The following DST variants were observed in gnomAD, a reference collection of about 807,000 sequenced individuals.
The protein encoded by DST is bullous pemphigoid antigen.
A neutral mutation model predicts 875.2 loss-of-function variants in DST; 253 were observed. The observed-to-expected ratio is 0.29, with a 90% CI of 0.26 to 0.32. DST has a LOEUF of 0.32. Ranked by LOEUF, DST falls within the 10% of genes least tolerant of loss-of-function variation. The pLI is 1.00. For synonymous variants in DST, 3,124 were observed against 3,197.1 expected (o/e 0.98, Z 0.77); for missense variants, 8,287 against 9,111.6 (o/e 0.91, Z 3.68).
intron 89 of DST, chr6:56,482,459 C>G: frequency 1.9e-6 from 1 of 525,282 alleles, no homozygotes; most frequent in East Asian, 3.2e-5. Flanking sequence ...AGACATTACT[C>G]ACGCAGCACT....
In DST at chr6:56,604,636, T is replaced by G; in HGVS notation, c.9992A>C (p.Gln3331Pro). The G allele has an allele frequency of 6.2e-7, 1 of 1,612,574 alleles. No individual in the cohort carries two copies. Among genetic ancestry groups the G allele is most frequent in the Non-Finnish European group, 8.5e-7 (1 of 1,179,158 alleles). ...ERIEQQLPKE[Q>P]ALSPRSQEKE... ...TTCTTGGGATCTTGGAGACAAGGCT[T>G]GTTCTTTTGGTAGCTGTTGCTCAAT... Residue 3331 changes from glutamine to proline, a missense_variant, in exon 40 of 104, where the codon CAA becomes CCA. By Grantham distance (76) the Gln-to-Pro change is moderately conservative (BLOSUM62 -1). Transcript: ENST00000680361.
At chr6:56,460,788 A>G (rs1289764666) in intron 102 of DST, 1 of 152,222 alleles carries the variant, frequency 6.6e-6, no homozygotes, top group Non-Finnish European at 1.5e-5. Flanking sequence ...AAAAAGAAAA[A>G]AAGTGATTTT....
intron 3 of DST, among the ~76,000 whole-genome samples, chr6:56,870,685 C>G (rs1776649840): frequency 2.6e-5 from 4 of 152,084 alleles, no homozygotes; most frequent in Admixed American, 2.6e-4. Context: ...ATCACTTGAA[C>G]CCGGGAGGTA....
intron 2 of DST, among the ~76,000 whole-genome samples, chr6:56,913,659 CTCTGTT>C (rs1024454275): frequency 6.6e-6 from 1 of 152,178 alleles, no homozygotes; most frequent in African/African-American, 2.4e-5. Context: ...GCCTTGAGCA[CTCTGTT>C]TCTAACACAG....
In DST at chr6:56,508,515, G is replaced by C; in HGVS notation, c.19239+14C>G. 1 of 1,600,276 alleles carries C rather than the reference G, an allele frequency of 6.2e-7. No individual in the cohort carries two copies. Among genetic ancestry groups the C allele is most frequent in the South Asian group, 1.1e-5 (1 of 90,500 alleles). On this transcript the variant is annotated intron_variant, in intron 75 of 103. Coordinates refer to ENST00000680361, the MANE Select transcript of DST (RefSeq NM_001374736.1). ...AACTTATTTTTCTAACTTTAAATGA[G>C]ATTTTCTGCTTACCTCTGCTGCTTC...
At chr6:56,693,643 G>A (rs2099246424) in intron 9 of DST, among the ~76,000 whole-genome samples, 2 of 152,156 alleles carry the variant, frequency 1.3e-5, no homozygotes, top group Admixed American at 1.3e-4. Flanking sequence ...GATTCAAAGT[G>A]CCTTTCAAAT....
intron 2 of DST, among the ~76,000 whole-genome samples, chr6:56,949,491 A>G (rs897749739): frequency 3.9e-5 from 6 of 152,242 alleles, no homozygotes; most frequent in African/African-American, 1.4e-4. Context: ...CAGTAACTAT[A>G]AAATTTCAGC....
chr6:56,740,687 C>T (rs1210176767), intron 4 of DST, among the ~76,000 whole-genome samples: 1 of 152,170 alleles, frequency 6.6e-6, no homozygotes, highest in East Asian at 1.9e-4. Flanking sequence ...GCTGGGGAAT[C>T]TGGCTCTGTG....
At position 56,572,855 on chromosome 6, in the gene DST, A is replaced by C; in HGVS notation, c.13446T>G (p.Phe4482Leu). ...MEELKTKVEL[F>L]ENLSEKLQTF... The stretch of plus-strand genomic sequence containing the variant: ...TCTGGAGCTTTTCTGAGAGGTTCTC[A>C]AACAGTTCTACTTTGGTTTTTAGCT... The change falls in exon 52 of 104, where the codon TTT becomes TTG. Residue 4482 changes from phenylalanine (F) to leucine (L), a missense_variant. Physicochemically the swap from Phe to Leu is conservative, Grantham distance 22. Around this residue, in one of 10 missense-constraint regions of DST, gnomAD observed 1,513 missense variants for 1,677.8 expected, o/e 0.90. Transcript: ENST00000680361. 6.2e-7 allele frequency: 1 copy of C among 1,613,286 alleles called. No individual in the cohort carries two copies. The highest frequency in any genetic ancestry group is 8.5e-7 in the Non-Finnish European group (1 of 1,179,644).
intron 4 of DST, among the ~76,000 whole-genome samples, chr6:56,847,091 A>G (rs1374513250): frequency 6.6e-6 from 1 of 151,446 alleles, no homozygotes; most frequent in Non-Finnish European, 1.5e-5. Context: ...CCCAGGCAGA[A>G]AAGATCACTT....
chr6:56,586,244 G>C (rs1359633649), intron 49 of DST, among the ~76,000 whole-genome samples: 2 of 151,148 alleles, frequency 1.3e-5, no homozygotes, highest in African/African-American at 4.9e-5. Context: ...TCTCTTTGTA[G>C]GTCACTCAGG....
chr6:56,552,285 C>G lies in DST; in HGVS notation c.16507G>C (p.Glu5503Gln). The change falls in exon 61 of 104, where the codon GAA becomes CAA. Residue 5503 changes from glutamate to glutamine, a missense_variant. This residue lies in a region of DST where 777 missense variants were observed against 764.8 expected (regional missense o/e 1.02). Coordinates refer to ENST00000680361, the MANE Select transcript of DST (RefSeq NM_001374736.1). ...RLEEFYSKLK[E>Q]FSILLQKAEE... The stretch of plus-strand genomic sequence containing the variant: ...GCTTTCTGGAGCAGAATAGAAAATT[C>G]TTTCAATTTGCTGTAAAATTCTTCA... 3 of 1,614,002 alleles carry G rather than the reference C, an allele frequency of 1.9e-6. No individual in the cohort carries two copies. The highest frequency in any genetic ancestry group is 2.5e-6 in the Non-Finnish European group (3 of 1,179,886).
chr6:56,522,846 G>A (rs2096732352), intron 69 of DST, among the ~76,000 whole-genome samples: 1 of 152,112 alleles, frequency 6.6e-6, no homozygotes, highest in Non-Finnish European at 1.5e-5. Context: ...AGCAAAGGAT[G>A]ATGAATTGCT....
At chr6:56,892,413 T>C (rs1307567095) in intron 3 of DST, among the ~76,000 whole-genome samples, 1 of 148,594 alleles carries the variant, frequency 6.7e-6, no homozygotes, top group Non-Finnish European at 1.5e-5. Context: ...AGCCTGGAAC[T>C]CCGGGCTCAA....
At position 56,954,566 on chromosome 6, in the gene DST, C is replaced by G. The variant is rs1562520903; in HGVS notation, c.22G>C (p.Val8Leu). The G allele has an allele frequency of 7.3e-7, 1 of 1,360,844 alleles. No individual in the cohort carries two copies. Among genetic ancestry groups the G allele is most frequent in the South Asian group, 1.1e-5 (1 of 87,342 alleles). The allele number at this position is 1,360,844 out of a possible 1,614,324, so 84.3% of individuals were successfully genotyped here. Residue 8 changes from valine to leucine, a missense_variant, in exon 1 of 104, where the codon GTC becomes CTC. By Grantham distance (32) the Val-to-Leu change is conservative. Coordinates refer to ENST00000680361, the MANE Select transcript of DST (RefSeq NM_001374736.1). MIAAAFL[V>L]LLRPYSIQCA... is the part of the protein sequence containing the mutation. ...TGGATGCTGTAGGGTCTCAGCAAGA[C>G]GAGGAAAGCCGCGGCGATCATGGTG...
At position 56,613,468 on chromosome 6, in the gene DST, T is replaced by C. The variant is rs145958488; in HGVS notation, c.5058+888A>G. ...GTCATGTCAACAATGTCTATTTTAA[T>C]AGATGACAAGTGAGTACTGATGCAG... On this transcript the variant is annotated intron_variant, in intron 37 of 103. Transcript: ENST00000680361. 6.0e-3 allele frequency among the ~76,000 whole-genome samples: 911 copies of C among 152,294 alleles called. 1 individual carries two copies. The highest frequency in any genetic ancestry group is 0.01 in the Middle Eastern group (3 of 294).
At chr6:56,705,308 C>T (rs964270135) in intron 5 of DST, among the ~76,000 whole-genome samples, 12 of 152,334 alleles carry the variant, frequency 7.9e-5, no homozygotes, top group African/African-American at 2.9e-4. Flanking sequence ...ACCAGAATCC[C>T]ACCTACTTCA....
chr6:56,841,673 A>G (rs2099800193), intron 4 of DST, among the ~76,000 whole-genome samples: 1 of 152,290 alleles, frequency 6.6e-6, no homozygotes, highest in South Asian at 2.1e-4. Context: ...GAACTTTCAG[A>G]TTTTTTTATT....
chr6:56,748,800 T>C (rs1251252975), intron 4 of DST, among the ~76,000 whole-genome samples: 1 of 152,164 alleles, frequency 6.6e-6, no homozygotes, highest in Non-Finnish European at 1.5e-5. Context: ...CTAATACCTT[T>C]TCCACTGTAC....
Sources: gnomAD v4.1 joint callset for allele counts (sites outside exome capture counted in the v4.1 genomes callset) on GRCh38, gnomAD v4.1.1 for gene constraint, gnomAD v4.1.1 regional missense constraint, MANE v1.5 for transcripts, NCBI Gene and HGNC (gene_info 2026-07-23, HGNC 2026-07-21) for gene names.